FNDC3A: variants seen among roughly 807,000 people sequenced by gnomAD.
FNDC3A encodes fibronectin type-III domain-containing protein 3A.
FNDC3A carries 32 observed loss-of-function variants against 148.9 expected under a neutral mutation model. That is an observed-to-expected ratio of 0.21 (90% confidence interval 0.16 to 0.29). The LOEUF (loss-of-function observed/expected upper bound fraction) is 0.29, where lower values mean the gene tolerates loss of function less well. FNDC3A is among the 10% of genes least tolerant of loss of function. The pLI, the probability that FNDC3A is intolerant of heterozygous loss-of-function variation, is 1.00. For synonymous variants in FNDC3A, 472 were observed against 473.6 expected (o/e 1.00, Z 0.04); for missense variants, 1,191 against 1,452.8 (o/e 0.82, Z 2.93).
chr13:49,188,139 G>GA (rs560956098), intron 16 of FNDC3A, among the ~76,000 whole-genome samples: 41 of 151,608 alleles, frequency 2.7e-4, no homozygotes, highest in Non-Finnish European at 4.9e-4. Context: ...CTGCCAAAAA[G>GA]AAAAAAAAGA....
At chr13:49,101,441 T>C (rs1009095397) in intron 3 of FNDC3A, among the ~76,000 whole-genome samples, 4 of 152,028 alleles carry the variant, frequency 2.6e-5, no homozygotes, top group Admixed American at 1.3e-4. Context: ...AGTACAAGAG[T>C]GTACCTCACA....
At chr13:49,102,615 G>A (rs1409107144) in intron 3 of FNDC3A, among the ~76,000 whole-genome samples, 1 of 152,092 alleles carries the variant, frequency 6.6e-6, no homozygotes, top group Non-Finnish European at 1.5e-5. Flanking sequence ...TACATTCAAG[G>A]ACCTTTTGGT....
intron 3 of FNDC3A, chr13:49,110,332 C>T (rs1880478722): frequency 1.3e-6 from 2 of 1,580,198 alleles, no homozygotes; most frequent in Non-Finnish European, 1.7e-6. Context: ...CCAATTAAAG[C>T]TGTTAACGTG....
intron 25 of FNDC3A, among the ~76,000 whole-genome samples, chr13:49,203,975 C>G (rs2138143057): frequency 6.6e-6 from 1 of 152,220 alleles, no homozygotes; most frequent in East Asian, 1.9e-4. Context: ...GGATTTTGAC[C>G]AGGGTATTCA....
chr13:48,998,189 G>T (rs561422204), intron 1 of FNDC3A, among the ~76,000 whole-genome samples: 5 of 152,252 alleles, frequency 3.3e-5, no homozygotes, highest in African/African-American at 1.2e-4. Flanking sequence ...TTTCTAGAAG[G>T]CAGAACTTGT....
chr13:49,072,448 G>T (rs1220131333), intron 2 of FNDC3A, among the ~76,000 whole-genome samples: 1 of 152,034 alleles, frequency 6.6e-6, no homozygotes, highest in Non-Finnish European at 1.5e-5. Flanking sequence ...GCTCTATTCT[G>T]TTGATCTCTC....
chr13:49,098,006 T>C (rs894575308), intron 3 of FNDC3A, among the ~76,000 whole-genome samples: 1 of 152,068 alleles, frequency 6.6e-6, no homozygotes, highest in Non-Finnish European at 1.5e-5. Flanking sequence ...CTGCAGAAGA[T>C]AGTCTAAAAA....
chr13:49,045,030 C>T, intron 2 of FNDC3A: 1 of 279,766 alleles, frequency 3.6e-6, no homozygotes, highest in South Asian at 3.6e-5. Context: ...TTCTCCTTTC[C>T]CTTTCCTTTC....
chr13:49,055,649 G>C (rs1876182889), intron 2 of FNDC3A, among the ~76,000 whole-genome samples: 1 of 152,018 alleles, frequency 6.6e-6, no homozygotes, highest in Admixed American at 6.6e-5. Flanking sequence ...TCAACCAATT[G>C]CCAATCAGAA....
chr13:48,981,049 G>A (rs1330262401), intron 1 of FNDC3A, among the ~76,000 whole-genome samples: 6 of 152,074 alleles, frequency 3.9e-5, no homozygotes, highest in Admixed American at 2.0e-4. Context: ...ATACAGTACC[G>A]TAATTTTAAG....
Position 49,191,087 on chromosome 13 carries a change from A to G in FNDC3A, c.2017A>G (p.Arg673Gly). The G allele has an allele frequency of 6.2e-7, 1 of 1,613,914 alleles. No homozygotes were observed. Among genetic ancestry groups the G allele is most frequent in the South Asian group, 1.1e-5 (1 of 91,070 alleles). Reference protein sequence around the residue: ...GPCLPPRLQGRPKAKEIQLRW... With the variant: ...GPCLPPRLQGGPKAKEIQLRW... ...ATGCCTCCCTCCCAGATTACAGGGT[A>G]GACCCAAAGCAAAAGAAATACAGTT... is the stretch of plus-strand genomic sequence containing the variant. Residue 673 changes from arginine to glycine, a missense_variant, in exon 18 of 26, where the codon AGA becomes GGA. Arg to Gly is a moderately radical substitution (Grantham distance 125, BLOSUM62 -2). Around this residue, in one of 3 missense-constraint regions of FNDC3A, gnomAD observed 751 missense variants for 944.0 expected, o/e 0.80. Transcript: ENST00000492622.
intron 23 of FNDC3A, among the ~76,000 whole-genome samples, 183 bp downstream of exon 23, chr13:49,198,757 C>G (rs1332960650): frequency 2.6e-5 from 4 of 152,018 alleles, no homozygotes; most frequent in Non-Finnish European, 5.9e-5. Flanking sequence ...GACAGTGAGA[C>G]CTTGTCTCTA....
At chr13:49,059,634 T>C (rs924373564) in intron 2 of FNDC3A, among the ~76,000 whole-genome samples, 8 of 152,124 alleles carry the variant, frequency 5.3e-5, no homozygotes, top group African/African-American at 1.9e-4. Context: ...TTTTGTATTT[T>C]TAGTAGAGAC....
intron 13 of FNDC3A, among the ~76,000 whole-genome samples, 182 bp downstream of exon 13, chr13:49,175,723 C>T (rs985260686): frequency 6.6e-6 from 1 of 152,172 alleles, no homozygotes; most frequent in African/African-American, 2.4e-5. Flanking sequence ...ATTGCCCTGG[C>T]CAGAACTTCC....
chr13:49,166,997 A>AG (rs1327406474), intron 8 of FNDC3A, among the ~76,000 whole-genome samples: 2 of 152,032 alleles, frequency 1.3e-5, no homozygotes, highest in African/African-American at 4.8e-5. Flanking sequence ...CTCCAAAAAA[A>AG]AGAGTCTGGC....
rs531331515 is a variant in FNDC3A, at chr13:49,197,271, C to T, written c.2340+281C>T. Among the ~76,000 whole-genome samples the T allele has an allele frequency of 2.0e-5, 3 of 152,234 alleles. No individual in the cohort carries two copies. In the South Asian group the frequency reaches 6.2e-4, roughly 32 times the overall value. On this transcript the variant is annotated intron_variant, in intron 20 of 25. Transcript: ENST00000492622. ...TTTCAGCCACTGTAAGTTTAATGTT[C>T]AGAATAGACATACACAGGAATTAGT... is the stretch of plus-strand genomic sequence containing the variant.
intron 13 of FNDC3A, among the ~76,000 whole-genome samples, chr13:49,177,595 A>G (rs1466566653): frequency 2.6e-5 from 4 of 152,222 alleles, no homozygotes; most frequent in Admixed American, 2.0e-4. Context: ...TGTTCATAGC[A>G]GCATTATTCA....
intron 3 of FNDC3A, among the ~76,000 whole-genome samples, chr13:49,102,925 T>C (rs1168973353): frequency 1.3e-5 from 2 of 152,228 alleles, no homozygotes; most frequent in African/African-American, 4.8e-5. Context: ...TTGTTTGGAT[T>C]TCTTCATAAT....
intron 2 of FNDC3A, among the ~76,000 whole-genome samples, chr13:49,064,618 T>C (rs1236492682): frequency 1.3e-5 from 2 of 151,966 alleles, no homozygotes; most frequent in East Asian, 3.9e-4. Flanking sequence ...TCATCACATG[T>C]AGAGGAGGGG....
Sources: gnomAD v4.1 joint callset for allele counts (sites outside exome capture counted in the v4.1 genomes callset) on GRCh38, gnomAD v4.1.1 for gene constraint, gnomAD v4.1.1 regional missense constraint, MANE v1.5 for transcripts, NCBI Gene and HGNC (gene_info 2026-07-23, HGNC 2026-07-21) for gene names.